Variants in SH3BGR observed in about 807,000 individuals in gnomAD.
SH3BGR encodes the protein SH3 domain-binding glutamic acid-rich protein.
SH3BGR carries 29 observed loss-of-function variants against 24.5 expected under a neutral mutation model. The observed-to-expected ratio is 1.18, with a 90% CI of 0.88 to 1.61. The LOEUF (loss-of-function observed/expected upper bound fraction) is 1.61. Ranked by LOEUF, SH3BGR falls within the 40% of genes most tolerant of loss-of-function variation. SH3BGR has a pLI of 0.00. For missense variants in SH3BGR, 162 were observed against 205.8 expected, an observed-to-expected ratio of 0.79 and a Z score of 1.30; for synonymous variants, 55 against 65.7, an observed-to-expected ratio of 0.84 and a Z score of 0.79.
chr21:39,509,337 C>T (rs561692836), intron 5 of SH3BGR, among the ~76,000 whole-genome samples: 25 of 152,320 alleles, frequency 1.6e-4, no homozygotes, highest in African/African-American at 5.8e-4. Flanking sequence ...GAGATGCCTG[C>T]TCCTCGTCCT....
chr21:39,458,455 C>T (rs1452137128), intron 1 of SH3BGR, among the ~76,000 whole-genome samples: 1 of 152,058 alleles, frequency 6.6e-6, no homozygotes, highest in Non-Finnish European at 1.5e-5. Context: ...TCTCCTGCCT[C>T]AGCCTCCTGA....
rs755623748 is a variant in SH3BGR, at chr21:39,462,362, T to C, written c.46-13T>C. The C allele has an allele frequency of 6.3e-7, 1 of 1,581,736 alleles. No individual in the cohort carries two copies. Among genetic ancestry groups the C allele is most frequent in the South Asian group, 1.2e-5 (1 of 84,788 alleles). On this transcript the variant is annotated splice_polypyrimidine_tract_variant and intron_variant, in intron 1 of 6. Transcript: ENST00000333634. ...TTTCATAAACAGCCTAATATTTCTC[T>C]ACTCTTGACCAGATTAGGAAGAAAC...
Position 39,511,738 on chromosome 21 carries a change from CAGA to C in SH3BGR, c.497_499del (p.Glu166del). 2 of 1,556,232 alleles carry C rather than the reference CAGA, an allele frequency of 1.3e-6. No individual in the cohort carries two copies. Among genetic ancestry groups the C allele is most frequent in the East Asian group, 2.4e-5 (1 of 42,388 alleles). Reference sequence around the variant, plus strand: ...GAAGCCGAGGAGGAGGAAGAAACTGCAGAAGGAGAAGAGCCTGGAGAAGACGAA... The same window carrying C: ...GAAGCCGAGGAGGAGGAAGAAACTGCAGGAGAAGAGCCTGGAGAAGACGAA... On this transcript the variant is annotated inframe_deletion, in exon 6 of 7. Transcript: ENST00000333634. This position sits in a 1 kb window ranked among gnomAD's most constrained non-coding sequence, Gnocchi z 4.2.
At chr21:39,499,763 T>G (rs1225185507) in intron 3 of SH3BGR, 60 bp from the exon 4 acceptor site, 2 of 1,190,394 alleles carry the variant, frequency 1.7e-6, no homozygotes, top group Non-Finnish European at 1.2e-6. Flanking sequence ...ATATGTGGCC[T>G]GTTTTTTTTT....
intron 2 of SH3BGR, among the ~76,000 whole-genome samples, chr21:39,469,490 T>C (rs2077900799): frequency 1.3e-5 from 2 of 151,824 alleles, no homozygotes; most frequent in South Asian, 2.1e-4. Flanking sequence ...CACTTTTTTT[T>C]CCTCCCCTTA....
At chr21:39,496,137 CG>C (rs34509030) in intron 3 of SH3BGR, among the ~76,000 whole-genome samples, 63,239 of 151,864 alleles carry the variant, frequency 0.42, 15,988 homozygotes, top group East Asian at 0.68. Flanking sequence ...TTTTAGGAGC[CG>C]TAGTTATTGT....
chr21:39,502,526 A>G (rs1249264155), intron 4 of SH3BGR, among the ~76,000 whole-genome samples: 4 of 152,170 alleles, frequency 2.6e-5, no homozygotes, highest in African/African-American at 9.7e-5. Flanking sequence ...GTGGGCCCAC[A>G]TTTGGTTCCT....
chr21:39,458,268 TA>T (rs887472517), intron 1 of SH3BGR, among the ~76,000 whole-genome samples: 1 of 152,140 alleles, frequency 6.6e-6, no homozygotes, highest in African/African-American at 2.4e-5. Context: ...AGAAGACTTT[TA>T]AAAAATTGAG....
intron 3 of SH3BGR, among the ~76,000 whole-genome samples, chr21:39,486,795 C>A (rs1430347223): frequency 1.3e-5 from 2 of 152,164 alleles, no homozygotes; most frequent in South Asian, 2.1e-4. Flanking sequence ...TGGCTCACTG[C>A]AACTTCCGCC....
chr21:39,492,199 A>T (rs1180727643), intron 3 of SH3BGR, among the ~76,000 whole-genome samples: 2 of 151,978 alleles, frequency 1.3e-5, no homozygotes, highest in Non-Finnish European at 2.9e-5. Context: ...TGTACACTGC[A>T]CCCTATTTGT....
upstream of SH3BGR, among the ~76,000 whole-genome samples, chr21:39,448,887 A>G (rs1341925071): frequency 3.3e-5 from 5 of 152,044 alleles, no homozygotes; most frequent in Non-Finnish European, 7.4e-5. Context: ...CTCCCTCAGT[A>G]TGCGCCCCCA....
At chr21:39,507,083 T>C (rs2078595863) in intron 4 of SH3BGR, among the ~76,000 whole-genome samples, 1 of 152,188 alleles carries the variant, frequency 6.6e-6, no homozygotes, top group Non-Finnish European at 1.5e-5. Context: ...ACTCTTCTCC[T>C]GCACATTATT....
chr21:39,480,407 C>T (rs186424948), intron 3 of SH3BGR, among the ~76,000 whole-genome samples: 106 of 152,320 alleles, frequency 7.0e-4, no homozygotes, highest in South Asian at 1.4e-3. Flanking sequence ...TGCAGGCTTG[C>T]CTCATCTGAG....
At chr21:39,479,198 T>TGTG (rs1033774496) in intron 3 of SH3BGR, among the ~76,000 whole-genome samples, 2 of 147,998 alleles carry the variant, frequency 1.4e-5, no homozygotes, top group East Asian at 3.9e-4. Context: ...AACGAGGCTA[T>TGTG]GTGGTGGTGG....
chr21:39,508,929 A>AT, intron 4 of SH3BGR, 69 bp from the exon 5 acceptor site: 1 of 1,241,976 alleles, frequency 8.1e-7, no homozygotes, highest in Non-Finnish European at 1.2e-6. Context: ...AGTTTGCTTG[A>AT]TTTTCAGATT....
At chr21:39,453,310 C>T (rs1204893952) in intron 1 of SH3BGR, among the ~76,000 whole-genome samples, 1 of 152,156 alleles carries the variant, frequency 6.6e-6, no homozygotes, top group Non-Finnish European at 1.5e-5. Context: ...GAACACACTC[C>T]AAATGTGAAA....
intron 3 of SH3BGR, 137 bp from the exon 4 acceptor site, chr21:39,499,686 C>T: frequency 1.7e-6 from 1 of 599,424 alleles, no homozygotes; most frequent in Non-Finnish European, 2.9e-6. Flanking sequence ...CGCTAAGTGA[C>T]CTAATGAGTG....
chr21:39,449,954 TGGA>T (rs2077554189), upstream of SH3BGR, among the ~76,000 whole-genome samples: 1 of 152,186 alleles, frequency 6.6e-6, no homozygotes, highest in East Asian at 1.9e-4. Context: ...GGTTTGCAGA[TGGA>T]GGAGGTGTCA....
chr21:39,514,358 ATTAT>A (rs1555915899), intron 6 of SH3BGR, among the ~76,000 whole-genome samples: 1 of 151,806 alleles, frequency 6.6e-6, no homozygotes, highest in Non-Finnish European at 1.5e-5. Context: ...TATTATTATT[ATTAT>A]TTATTTATTT....
Sources: gnomAD v4.1 joint callset for allele counts (sites outside exome capture counted in the v4.1 genomes callset) on GRCh38, gnomAD v4.1.1 for gene constraint, Gnocchi (gnomAD v3.1) non-coding constraint, MANE v1.5 for transcripts, NCBI Gene and HGNC (gene_info 2026-07-23, HGNC 2026-07-21) for gene names.